The following PRMT3 variants were observed in gnomAD, a reference collection of about 807,000 sequenced individuals.
PRMT3 encodes the protein protein arginine N-methyltransferase 3.
A neutral mutation model predicts 71.9 loss-of-function variants in PRMT3; 62 were observed. That is an observed-to-expected ratio of 0.86 (90% CI 0.70 to 1.07). PRMT3 has a LOEUF of 1.07. Ranked by LOEUF, PRMT3 falls within the 50% of genes least tolerant of loss-of-function variation. The probability of loss-of-function intolerance (pLI) is 0.00; values close to 1 mark genes in which losing one functional copy is unlikely to be tolerated. For missense variants in PRMT3, 663 were observed against 643.0 expected, an observed-to-expected ratio of 1.03 and a Z score of -0.34; for synonymous variants, 213 against 220.4, an observed-to-expected ratio of 0.97 and a Z score of 0.30.
rs75546475 is a variant in PRMT3 at position 20,465,094 on chromosome 11, C to T, written c.1347+548C>T. Among the ~76,000 whole-genome samples the T allele has an allele frequency of 8.6e-3, 1,303 of 152,148 alleles. 19 individuals are homozygous for T. Among genetic ancestry groups the T allele is most frequent in the African/African-American group, 0.03 (1,228 of 41,526 alleles). ...TTCGTTGTTAAGTTACCTAAGTAAT[C>T]TGTACTTCAGACTATTCAGTTGCTT... On this transcript the variant is annotated intron_variant, in intron 13 of 15. Transcript: ENST00000331079.
At chr11:20,397,419 A>G in intron 6 of PRMT3, among the ~76,000 whole-genome samples, 158 bp from the exon 7 acceptor site, 1 of 152,176 alleles carries the variant, frequency 6.6e-6, no homozygotes, top group South Asian at 2.1e-4. Flanking sequence ...ATTGCTTCAG[A>G]TCCAGCAGGG....
chr11:20,392,086 A>G (rs1848727164), intron 3 of PRMT3, 125 bp from the exon 4 acceptor site: 1 of 864,458 alleles, frequency 1.2e-6, no homozygotes, highest in African/African-American at 1.8e-5. Context: ...TAAAATTCAA[A>G]ATATAAGTAG....
chr11:20,467,448 G>T (rs1259286573), intron 13 of PRMT3, among the ~76,000 whole-genome samples: 1 of 151,822 alleles, frequency 6.6e-6, no homozygotes, highest in Admixed American at 6.6e-5. Context: ...TTCTTTGTGG[G>T]ATTGTAGAAA....
chr11:20,390,659 G>A (rs1417373382), intron 3 of PRMT3, among the ~76,000 whole-genome samples: 1 of 152,192 alleles, frequency 6.6e-6, no homozygotes, highest in African/African-American at 2.4e-5. Flanking sequence ...ACTTTAAATG[G>A]ATGTAGAAGA....
chr11:20,403,081 ATCT>A (rs1388151214), intron 8 of PRMT3, 97 bp downstream of exon 8: 3 of 895,014 alleles, frequency 3.4e-6, no homozygotes, highest in South Asian at 3.0e-5. Flanking sequence ...TTGATTTAAC[ATCT>A]TCTGTCTGTA....
chr11:20,497,945 C>T (rs932046208), intron 15 of PRMT3, among the ~76,000 whole-genome samples: 5 of 152,142 alleles, frequency 3.3e-5, no homozygotes, highest in African/African-American at 1.2e-4. Context: ...TAGGAACAGA[C>T]CCAGAAGTGA....
chr11:20,503,078 T>TAA (rs35708444), intron 15 of PRMT3, among the ~76,000 whole-genome samples: 3 of 151,898 alleles, frequency 2.0e-5, no homozygotes, highest in Non-Finnish European at 2.9e-5. Context: ...AATTCAGACT[T>TAA]AAAAAATACT....
chr11:20,407,763 A>T (rs1405987899), intron 8 of PRMT3, 148 bp from the exon 9 acceptor site: 1 of 673,434 alleles, frequency 1.5e-6, no homozygotes, highest in East Asian at 3.1e-5. Flanking sequence ...CCAAAGGATT[A>T]CAGGCGTGAG....
chr11:20,400,751 T>C (rs770560459), intron 7 of PRMT3, among the ~76,000 whole-genome samples: 5 of 152,136 alleles, frequency 3.3e-5, no homozygotes, highest in Non-Finnish European at 7.4e-5. Context: ...AGGAATAATT[T>C]CTTGATACTT....
intron 13 of PRMT3, among the ~76,000 whole-genome samples, chr11:20,485,920 C>T (rs1338510341): frequency 6.6e-6 from 1 of 152,170 alleles, no homozygotes; most frequent in Non-Finnish European, 1.5e-5. Flanking sequence ...ATGTTTATAG[C>T]AGCATTATTC....
intron 10 of PRMT3, among the ~76,000 whole-genome samples, chr11:20,451,459 CCTTTTTGACTAAGGAT>C (rs1344319376): frequency 2.0e-5 from 3 of 151,732 alleles, no homozygotes; most frequent in Non-Finnish European, 4.4e-5. Flanking sequence ...GTTTCTTAAA[CCTTTTTGACTAAGGAT>C]CCCTCCACTT....
At chr11:20,456,768 A>T (rs1850275885) in intron 11 of PRMT3, among the ~76,000 whole-genome samples, 1 of 152,190 alleles carries the variant, frequency 6.6e-6, no homozygotes, top group Admixed American at 6.5e-5. Flanking sequence ...GGATTGAATG[A>T]ATTTATCAAT....
chr11:20,465,653 A>AT (rs1441304343), intron 13 of PRMT3, among the ~76,000 whole-genome samples: 1 of 151,968 alleles, frequency 6.6e-6, no homozygotes, highest in African/African-American at 2.4e-5. Flanking sequence ...TGGTTTTATA[A>AT]TTTTTTAAAG....
intron 13 of PRMT3, among the ~76,000 whole-genome samples, chr11:20,492,868 C>A (rs1326090766): frequency 6.6e-6 from 1 of 152,156 alleles, no homozygotes; most frequent in East Asian, 1.9e-4. Context: ...ACCAGCCTGA[C>A]CAACATGGTG....
At chr11:20,442,525 A>C (rs1333646431) in intron 10 of PRMT3, among the ~76,000 whole-genome samples, 2 of 152,098 alleles carry the variant, frequency 1.3e-5, no homozygotes, top group Non-Finnish European at 2.9e-5. Flanking sequence ...ACCCTTATGC[A>C]AAAGTTAGCA....
At chr11:20,423,873 T>TAAAAAAA (rs58636447) in intron 9 of PRMT3, among the ~76,000 whole-genome samples, 4 of 27,100 alleles carry the variant, frequency 1.5e-4, no homozygotes, top group African/African-American at 3.4e-4. Flanking sequence ...GATTCTCTCT[T>TAAAAAAA]AAAAAAAAAA....
At chr11:20,498,479 A>G (rs1334897980) in intron 15 of PRMT3, among the ~76,000 whole-genome samples, 1 of 152,228 alleles carries the variant, frequency 6.6e-6, no homozygotes, top group Non-Finnish European at 1.5e-5. Flanking sequence ...CTGTAATCCT[A>G]GCACTTTGAG....
At chr11:20,401,905 C>G (rs916265445) in intron 7 of PRMT3, among the ~76,000 whole-genome samples, 12 of 152,068 alleles carry the variant, frequency 7.9e-5, no homozygotes, top group Non-Finnish European at 1.8e-4. Context: ...GGCTTACAGG[C>G]TTTTAAACAT....
At chr11:20,396,654 G>T (rs1848832838) in intron 6 of PRMT3, among the ~76,000 whole-genome samples, 1 of 151,964 alleles carries the variant, frequency 6.6e-6, no homozygotes, top group Non-Finnish European at 1.5e-5. Context: ...GTCGGTGGGG[G>T]GGAATCAGAA....
Sources: allele counts gnomAD v4.1 joint callset (sites outside exome capture counted in the v4.1 genomes callset), GRCh38; gene constraint gnomAD v4.1.1; transcripts MANE v1.5; gene names NCBI Gene and HGNC (gene_info 2026-07-23, HGNC 2026-07-21).